CHD9: variants seen among roughly 807,000 people sequenced by gnomAD.
The protein encoded by CHD9 is chromodomain helicase DNA binding protein 9, also known as ATP-dependent chromatin remodeler CHD9.
Under a neutral mutation model 316.1 loss-of-function variants are expected in CHD9, and 77 were observed. That is an observed-to-expected ratio of 0.24 (90% confidence interval 0.20 to 0.29). The LOEUF (loss-of-function observed/expected upper bound fraction) is 0.29. Among genes scored for constraint, CHD9 ranks in the 10% least tolerant of loss-of-function variants. The pLI is 1.00. For missense variants in CHD9, 2,763 were observed against 3,438.1 expected, an observed-to-expected ratio of 0.80 and a Z score of 4.91; for synonymous variants, 1,129 against 1,158.3, an observed-to-expected ratio of 0.97 and a Z score of 0.51.
At chr16:53,090,942 G>A (rs1321000759) in intron 1 of CHD9, among the ~76,000 whole-genome samples, 1 of 152,168 alleles carries the variant, frequency 6.6e-6, no homozygotes, top group Non-Finnish European at 1.5e-5. Context: ...GCTCTCACAC[G>A]CCCATTTGCT....
At chr16:53,258,411 A>G (rs2050788752) in intron 19 of CHD9, among the ~76,000 whole-genome samples, 1 of 152,162 alleles carries the variant, frequency 6.6e-6, no homozygotes, top group Non-Finnish European at 1.5e-5. Context: ...AATGCTGAGG[A>G]GAGTTGAGAG....
At chr16:53,070,114 T>C (rs776274783) in intron 1 of CHD9, among the ~76,000 whole-genome samples, 2 of 152,206 alleles carry the variant, frequency 1.3e-5, no homozygotes, top group Admixed American at 6.5e-5. Flanking sequence ...GTTGTTTGTT[T>C]CTTTGTTGTT....
chr16:53,321,734 G>A, intron 38 of CHD9, 104 bp downstream of exon 38: 1 of 712,572 alleles, frequency 1.4e-6, no homozygotes, highest in South Asian at 4.2e-5. Context: ...ATGAATTTGT[G>A]ACAGCATTTT....
chr16:53,263,129 GC>G, intron 20 of CHD9, 32 bp downstream of exon 20: 1 of 1,507,448 alleles, frequency 6.6e-7, no homozygotes, highest in Non-Finnish European at 9.2e-7. Context: ...AAATAAACTT[GC>G]TTTTGGGATA....
Position 53,209,587 on chromosome 16 carries a change from G to A in CHD9, c.1558G>A (p.Glu520Lys), listed in dbSNP as rs2046166538. 1 of 1,613,762 alleles carries A rather than the reference G, an allele frequency of 6.2e-7. No individual in the cohort carries two copies. The highest frequency in any genetic ancestry group is 8.5e-7 in the Non-Finnish European group (1 of 1,179,842). ...EKKQRKKVES[E>K]SKQEKANRII... is the part of the protein sequence containing the mutation. Reference sequence around the variant, plus strand: ...GAAGCAGAGAAAAAAGGTGGAATCAGAAAGCAAGCAAGAAAAGGCTAATCG... The same window carrying A: ...GAAGCAGAGAAAAAAGGTGGAATCAAAAAGCAAGCAAGAAAAGGCTAATCG... Residue 520 changes from glutamate (E) to lysine (K), a missense_variant, in exon 3 of 39, where the codon GAA becomes AAA. Transcript: ENST00000447540.
At chr16:53,313,218 A>G (rs1384708768) in intron 34 of CHD9, among the ~76,000 whole-genome samples, 1 of 144,170 alleles carries the variant, frequency 6.9e-6, no homozygotes, top group African/African-American at 2.6e-5. Context: ...GCAGGAATGG[A>G]CTAGGGAAAT....
Position 53,186,450 on chromosome 16 carries a change from C to T in CHD9, c.1453-23032C>T, listed in dbSNP as rs146314344. The stretch of plus-strand genomic sequence containing the variant: ...AGTAACTAACTGGCTTTTGATTTTA[C>T]AGGCTCATAGGTGGAAGGGACTTGC... On this transcript the variant is annotated intron_variant, in intron 2 of 38. Transcript: ENST00000447540. 8.5e-5 allele frequency among the ~76,000 whole-genome samples: 13 copies of T among 152,346 alleles called. No homozygotes were observed. The East Asian group carries it at 2.5e-3, about 29-fold the overall frequency.
intron 1 of CHD9, among the ~76,000 whole-genome samples, chr16:53,090,535 T>C (rs186903395): frequency 5.9e-5 from 9 of 152,342 alleles, no homozygotes; most frequent in Non-Finnish European, 1.0e-4. Context: ...GTGAGGGTTC[T>C]GTGGGATCAC....
At chr16:53,310,720 G>A (rs969328881) in intron 34 of CHD9, 11 of 150,786 alleles carry the variant, frequency 7.3e-5, no homozygotes, top group Non-Finnish European at 1.3e-4. Context: ...GCGTGGTGGC[G>A]CGTGCCCAGA....
chr16:53,222,857 A>G, intron 4 of CHD9, 102 bp downstream of exon 4: 2 of 599,726 alleles, frequency 3.3e-6, no homozygotes, highest in Non-Finnish European at 5.9e-6. Context: ...AAGTAAAAAT[A>G]CATTTTGTAG....
intron 24 of CHD9, among the ~76,000 whole-genome samples, chr16:53,278,758 A>G (rs1273610359): frequency 1.3e-5 from 2 of 152,230 alleles, no homozygotes; most frequent in Non-Finnish European, 2.9e-5. Context: ...ACATGAAAAA[A>G]TGCTCATCAT....
chr16:53,151,109 C>T (rs550534746), intron 1 of CHD9, among the ~76,000 whole-genome samples: 4 of 151,960 alleles, frequency 2.6e-5, no homozygotes, highest in African/African-American at 9.6e-5. Context: ...ATATTTTATT[C>T]TCTTGATTTT....
intron 16 of CHD9, 34 bp from the exon 17 acceptor site, chr16:53,249,837 T>A (rs749295126): frequency 1.3e-6 from 2 of 1,492,484 alleles, no homozygotes; most frequent in Admixed American, 3.3e-5. Context: ...TTATTATACT[T>A]ATTTATGTAA....
At chr16:53,120,905 C>T (rs1340715028) in intron 1 of CHD9, among the ~76,000 whole-genome samples, 1 of 152,066 alleles carries the variant, frequency 6.6e-6, no homozygotes, top group African/African-American at 2.4e-5. Flanking sequence ...ACTTGGGAGG[C>T]TGAGGCAGGA....
At chr16:53,321,183 A>G in intron 37 of CHD9, 4 of 1,248,326 alleles carry the variant, frequency 3.2e-6, no homozygotes, top group Non-Finnish European at 4.2e-6. Flanking sequence ...TGAGGCTGAA[A>G]GAGATTTACT....
At chr16:53,210,085 C>CAGGAAA (rs370293679) in intron 3 of CHD9, among the ~76,000 whole-genome samples, 1 of 152,116 alleles carries the variant, frequency 6.6e-6, no homozygotes, top group African/African-American at 2.4e-5. Flanking sequence ...GTATACGAAT[C>CAGGAAA]AGGAAAAGGA....
chr16:53,085,341 C>A (rs1352304251), intron 1 of CHD9, among the ~76,000 whole-genome samples: 1 of 151,906 alleles, frequency 6.6e-6, no homozygotes, highest in Non-Finnish European at 1.5e-5. Context: ...CTGGGATTAC[C>A]CCCAGACCCA....
intron 24 of CHD9, among the ~76,000 whole-genome samples, chr16:53,281,390 TCTGAGTAC>T (rs953082264): frequency 6.6e-6 from 1 of 152,162 alleles, no homozygotes; most frequent in Admixed American, 6.6e-5. Flanking sequence ...ACATGCCAAA[TCTGAGTAC>T]CTTTCAGTAC....
chr16:53,165,359 A>G (rs1462132538), intron 2 of CHD9, among the ~76,000 whole-genome samples: 1 of 152,222 alleles, frequency 6.6e-6, no homozygotes, highest in Admixed American at 6.5e-5. Context: ...GTCCTCCACT[A>G]TCCAATTATG....
Sources: gnomAD v4.1 joint callset for allele counts (sites outside exome capture counted in the v4.1 genomes callset) on GRCh38, gnomAD v4.1.1 for gene constraint, MANE v1.5 for transcripts, NCBI Gene and HGNC (gene_info 2026-07-23, HGNC 2026-07-21) for gene names.